KCNS3: variants seen among roughly 807,000 people sequenced by gnomAD.
KCNS3 encodes the protein potassium voltage-gated channel modifier subfamily S member 3, also known as delayed-rectifier potassium channel regulatory subunit KCNS3.
A neutral mutation model predicts 31.0 loss-of-function variants in KCNS3; 13 were observed. The ratio of observed to expected loss-of-function variants is 0.42; its 90% CI spans 0.27 to 0.67. KCNS3 has a LOEUF of 0.67. Among genes scored for constraint, KCNS3 ranks in the 30% least tolerant of loss-of-function variants. The pLI, the probability that KCNS3 is intolerant of heterozygous loss-of-function variation, is 0.25. For synonymous variants in KCNS3, 238 were observed against 241.5 expected (o/e 0.99, Z 0.13); for missense variants, 545 against 622.4 (o/e 0.88, Z 1.32).
intron 1 of KCNS3, among the ~76,000 whole-genome samples, chr2:17,910,041 C>G (rs768050735): frequency 4.6e-5 from 7 of 152,136 alleles, no homozygotes; most frequent in Non-Finnish European, 8.8e-5. Flanking sequence ...CCTATGGACC[C>G]CTTTTCAGAA....
rs150270112 is a variant in KCNS3, at chr2:17,908,308, C to T, written c.-251-9372C>T. ...GTTCTCGTGCCATGGTTTTCAGCTC[C>T]GTCAGGTCATTTAAGGACTTCTCTA... On this transcript the variant is annotated intron_variant, in intron 1 of 2. Coordinates refer to ENST00000304101, the MANE Select transcript of KCNS3 (RefSeq NM_002252.5). Among the ~76,000 whole-genome samples the T allele has an allele frequency of 1.4e-3, 218 of 152,288 alleles. 2 individuals carry two copies. In the East Asian group the frequency reaches 0.027, roughly 19 times the overall value.
rs780310813 is a variant in KCNS3, at chr2:17,931,770, T to C, written c.762T>C (p.Pro254=). The change falls in exon 3 of 3, where the codon CCT becomes CCC. Residue 254 remains proline, a synonymous_variant. Coordinates refer to ENST00000304101, the MANE Select transcript of KCNS3 (RefSeq NM_002252.5). This position sits in a 1 kb window ranked among gnomAD's most constrained non-coding sequence, Gnocchi z 5.4. ...APCQKKFWKN[P]LNIIDFVSII... ...GTCAAAAGAAATTCTGGAAAAACCC[T>C]CTGAACATCATTGACTTTGTCTCTA... 19 of 1,614,006 alleles carry C rather than the reference T, an allele frequency of 1.2e-5. No homozygotes were observed. Among genetic ancestry groups the C allele is most frequent in the Non-Finnish European group, 1.5e-5 (18 of 1,179,978 alleles).
rs753924786 is a variant in KCNS3, at chr2:17,920,965, AT to A, written c.-60+3096del. Among the ~76,000 whole-genome samples, 4 of 152,316 alleles carry A rather than the reference AT, an allele frequency of 2.6e-5. No homozygotes were observed. The East Asian group carries it at 7.7e-4, about 29-fold the overall frequency. The stretch of plus-strand genomic sequence containing the variant: ...ATAAAAGGTGGACAACGTTGGGCAA[AT>A]TCTGAGCCTCAGATGTCCCCATTTG... On this transcript the variant is annotated intron_variant, in intron 2 of 2. Transcript: ENST00000304101.
chr2:17,914,031 C>G lies in KCNS3; in HGVS notation c.-251-3649C>G, dbSNP rs147425235. Among the ~76,000 whole-genome samples, 189 of 152,292 alleles carry G rather than the reference C, an allele frequency of 1.2e-3. 1 individual carries two copies. The highest frequency in any genetic ancestry group is 4.5e-3 in the African/African-American group (188 of 41,552). On this transcript the variant is annotated intron_variant, in intron 1 of 2. Transcript: ENST00000304101. ...TAAGCTAGCTGCTGCCAGGAGGGTA[C>G]TCACAGGTCCCATTTCCCAGGTAAG...
At chr2:17,880,432 C>A (rs1053967760) in intron 1 of KCNS3, among the ~76,000 whole-genome samples, 1 of 152,198 alleles carries the variant, frequency 6.6e-6, no homozygotes, top group Non-Finnish European at 1.5e-5. Context: ...CACCAGCTTC[C>A]CTTCTTCTCT....
intron 1 of KCNS3, among the ~76,000 whole-genome samples, chr2:17,893,940 G>GTTTTTTTTTTTTTTTTTTTTTT (rs5829612): frequency 1.0e-5 from 1 of 98,904 alleles, no homozygotes; most frequent in African/African-American, 4.5e-5. Context: ...CCAGGAGCCA[G>GTTTTTTTTTTTTTTTTTTTTTT]TTTTTTTTTT....
At chr2:17,899,710 T>A (rs1029914776) in intron 1 of KCNS3, among the ~76,000 whole-genome samples, 2 of 152,194 alleles carry the variant, frequency 1.3e-5, no homozygotes, top group African/African-American at 4.8e-5. Flanking sequence ...GTAAGCACTA[T>A]ATAAAGGTTT....
At chr2:17,924,929 G>T (rs1421983603) in intron 2 of KCNS3, among the ~76,000 whole-genome samples, 1 of 152,170 alleles carries the variant, frequency 6.6e-6, no homozygotes, top group Non-Finnish European at 1.5e-5. Flanking sequence ...GGTGGTGATT[G>T]TGGTAAAATT....
rs34206500 is a variant in KCNS3, at chr2:17,888,629, G to C, written c.-252+9823G>C. 1.3e-4 allele frequency among the ~76,000 whole-genome samples: 12 copies of C among 92,368 alleles called. No homozygotes were observed. The South Asian group carries it at 2.0e-3, about 16-fold the overall frequency. The allele number at this position is 92,368 out of a possible 152,430, so 60.6% of individuals were successfully genotyped here. ...GAACTTAAAGTATAATAAAAAAAATGTATATATATATATATATATATATAT... is the reference window on the plus strand; with the variant it reads ...GAACTTAAAGTATAATAAAAAAAATCTATATATATATATATATATATATAT... On this transcript the variant is annotated intron_variant, in intron 1 of 2. Coordinates refer to ENST00000304101, the MANE Select transcript of KCNS3 (RefSeq NM_002252.5).
At position 17,878,696 on chromosome 2, in the gene KCNS3, C is replaced by T. The variant is rs1674566776; in HGVS notation, c.-362C>T. The T allele has an allele frequency of 2.7e-5, 4 of 149,974 alleles. No homozygotes were observed. Among genetic ancestry groups the T allele is most frequent in the South Asian group, 4.2e-4 (2 of 4,808 alleles). 9.3% of individuals were successfully genotyped at this position (149,974 alleles called of 1,614,324 possible). A position where few individuals can be genotyped will look rare whatever the true frequency, so the allele number is the denominator to read the frequency against. On this transcript the variant is annotated 5_prime_UTR_variant, in exon 1 of 3. Coordinates refer to ENST00000304101, the MANE Select transcript of KCNS3 (RefSeq NM_002252.5). ...CGGCCGACGCGGGCCACCCCGCTCT[C>T]CTCGCCGCCGCGGCGGCAGGCGCGG...
At chr2:17,906,113 TATTA>T (rs1347093671) in intron 1 of KCNS3, among the ~76,000 whole-genome samples, 1 of 152,236 alleles carries the variant, frequency 6.6e-6, no homozygotes, top group African/African-American at 2.4e-5. Context: ...GTTGGTAGGC[TATTA>T]ATTATTGCCT....
intron 1 of KCNS3, among the ~76,000 whole-genome samples, chr2:17,905,674 C>T (rs942641598): frequency 2.0e-4 from 30 of 152,070 alleles, no homozygotes; most frequent in African/African-American, 6.3e-4. Context: ...GCATGAAGGG[C>T]TGTTGAATTT....
At chr2:17,885,986 A>T (rs1398492542) in intron 1 of KCNS3, among the ~76,000 whole-genome samples, 3 of 152,188 alleles carry the variant, frequency 2.0e-5, no homozygotes, top group Non-Finnish European at 4.4e-5. Context: ...GAGTATAAAT[A>T]GGGCCATAGA....
chr2:17,904,344 A>G (rs1241193499), intron 1 of KCNS3, among the ~76,000 whole-genome samples: 1 of 152,098 alleles, frequency 6.6e-6, no homozygotes, highest in Non-Finnish European at 1.5e-5. Flanking sequence ...AGTTCTTTGT[A>G]TATTCTGGAT....
At chr2:17,902,941 G>A (rs1199569094) in intron 1 of KCNS3, among the ~76,000 whole-genome samples, 1 of 152,184 alleles carries the variant, frequency 6.6e-6, no homozygotes, top group South Asian at 2.1e-4. Context: ...ACTTGTAGGT[G>A]TATGTATATT....
intron 1 of KCNS3, among the ~76,000 whole-genome samples, chr2:17,913,492 C>T (rs763854687): frequency 6.6e-6 from 1 of 152,250 alleles, no homozygotes; most frequent in Non-Finnish European, 1.5e-5. Context: ...ACTCACTAAC[C>T]TTTAGACTCA....
rs1256591810 is a variant in KCNS3 at position 17,888,670 on chromosome 2, T to TATATAA, written c.-252+9867_-252+9868insTAAATA. Among the ~76,000 whole-genome samples, 42 of 129,158 alleles carry TATATAA rather than the reference T, an allele frequency of 3.3e-4. 1 individual carries two copies. Among genetic ancestry groups the TATATAA allele is most frequent in the South Asian group, 7.3e-4 (3 of 4,128 alleles). The allele number at this position is 129,158 out of a possible 152,430, so 84.7% of individuals were successfully genotyped here. A position where few individuals can be genotyped will look rare whatever the true frequency, so the allele number is the denominator to read the frequency against. On this transcript the variant is annotated intron_variant, in intron 1 of 2. Transcript: ENST00000304101. ...ATATATATATATATATATATATATATATAAAGAAAAGGGTGTTCTTTCCCC... is the reference window on the plus strand; with the variant it reads ...ATATATATATATATATATATATATATATATAAATAAAGAAAAGGGTGTTCTTTCCCC...
chr2:17,884,271 ATAT>A (rs1558445176), intron 1 of KCNS3, among the ~76,000 whole-genome samples: 625 of 33,748 alleles, frequency 0.019, 5 homozygotes, highest in Non-Finnish European at 0.028. Context: ...AAAAAAAAAT[ATAT>A]ATATATATAT....
At chr2:17,925,213 T>G in intron 2 of KCNS3, among the ~76,000 whole-genome samples, 1 of 152,146 alleles carries the variant, frequency 6.6e-6, no homozygotes, top group Non-Finnish European at 1.5e-5. Context: ...AAGACATGCT[T>G]CATTATACCC....
Sources: gnomAD v4.1 joint callset for allele counts (sites outside exome capture counted in the v4.1 genomes callset) on GRCh38, gnomAD v4.1.1 for gene constraint, Gnocchi (gnomAD v3.1) non-coding constraint, MANE v1.5 for transcripts, NCBI Gene and HGNC (gene_info 2026-07-23, HGNC 2026-07-21) for gene names.